The following GPLD1 variants were observed in gnomAD, a reference collection of about 807,000 sequenced individuals.
GPLD1 encodes the protein glycosylphosphatidylinositol specific phospholipase D1.
GPLD1 carries 84 observed loss-of-function variants against 112.6 expected under a neutral mutation model. That is an observed-to-expected ratio of 0.75 (90% CI 0.63 to 0.89). GPLD1 has a LOEUF of 0.89. Ranked by LOEUF, GPLD1 falls within the 40% of genes least tolerant of loss-of-function variation. The pLI is 0.00. For synonymous variants in GPLD1, 386 were observed against 403.8 expected, an observed-to-expected ratio of 0.96 and a Z score of 0.53; for missense variants, 1,044 against 1,051.5, an observed-to-expected ratio of 0.99 and a Z score of 0.10.
intron 14 of GPLD1, among the ~76,000 whole-genome samples, chr6:24,451,860 G>A (rs930195071): frequency 3.3e-5 from 5 of 152,180 alleles, no homozygotes; most frequent in Non-Finnish European, 7.3e-5. Context: ...AGGGCAGGGT[G>A]GGAACCAATA....
At chr6:24,473,491 G>A (rs1339137084) in intron 6 of GPLD1, 128 bp downstream of exon 6, 14 of 602,220 alleles carry the variant, frequency 2.3e-5, no homozygotes, top group Non-Finnish European at 4.3e-5. Flanking sequence ...TAAATGAACT[G>A]CAACATTAAA....
rs80068245 is a variant in GPLD1 at position 24,427,220 on chromosome 6, G to A, written c.*1812C>T. ...CCTATGATACATTCCATTCCCTTAA[G>A]TGTGCCACGCTGCAGGACTGACAAA... On this transcript the variant is annotated 3_prime_UTR_variant, in exon 25 of 25. Coordinates refer to ENST00000230036, the MANE Select transcript of GPLD1 (RefSeq NM_001503.4). Among the ~76,000 whole-genome samples the A allele has an allele frequency of 0.12, 18,620 of 152,130 alleles. 1,453 individuals carry two copies. The highest frequency in any genetic ancestry group is 0.16 in the East Asian group (809 of 5,166).
intron 11 of GPLD1, among the ~76,000 whole-genome samples, chr6:24,462,281 C>A (rs1455846301): frequency 6.6e-6 from 1 of 151,938 alleles, no homozygotes; most frequent in Non-Finnish European, 1.5e-5. Context: ...TACAGGCACA[C>A]ACCACCATAC....
intron 2 of GPLD1, among the ~76,000 whole-genome samples, chr6:24,480,182 A>G (rs1764154328): frequency 6.6e-6 from 1 of 152,164 alleles, no homozygotes; most frequent in Non-Finnish European, 1.5e-5. Flanking sequence ...TCCCTACCAA[A>G]CACAGAGAGG....
At position 24,462,723 on chromosome 6, in the gene GPLD1, C is replaced by T. The variant is rs749433306; in HGVS notation, c.887+7G>A. ...TTTTTCTATGAACAATTTTGGAATC[C>T]ACTTACCCCTGGGTGTGGTTTTGCT... On this transcript the variant is annotated splice_region_variant and intron_variant, in intron 11 of 24. Transcript: ENST00000230036. The T allele has an allele frequency of 4.4e-6, 7 of 1,601,464 alleles. No homozygotes were observed. The highest frequency in any genetic ancestry group is 3.3e-4 in the Middle Eastern group (2 of 6,052).
chr6:24,488,183 G>A (rs2817211), intron 1 of GPLD1, among the ~76,000 whole-genome samples: 45,428 of 151,916 alleles, frequency 0.3, 7,057 homozygotes, highest in Non-Finnish European at 0.33. Flanking sequence ...CGAGGCAGGC[G>A]GATCGCAAGG....
intron 1 of GPLD1, among the ~76,000 whole-genome samples, chr6:24,487,450 C>G (rs1445181080): frequency 6.6e-6 from 1 of 152,032 alleles, no homozygotes; most frequent in African/African-American, 2.4e-5. Flanking sequence ...TCCATTAGGA[C>G]CTTTGTTTGG....
At chr6:24,447,838 G>A (rs369865985) in intron 17 of GPLD1, 39 bp downstream of exon 17, 2 of 1,604,648 alleles carry the variant, frequency 1.2e-6, no homozygotes, top group Non-Finnish European at 1.7e-6. Context: ...TAGACACACA[G>A]AGCAGCCATG....
rs1004889765 is a variant in GPLD1, at chr6:24,478,975, G to T, written c.232+906C>A. On this transcript the variant is annotated intron_variant, in intron 3 of 24. Coordinates refer to ENST00000230036, the MANE Select transcript of GPLD1 (RefSeq NM_001503.4). ...ACAGAGCAGAAGCATTGCCATCTTG[G>T]ACAAGAACTGCCATTTTAAGTTCAC... 1.1e-4 allele frequency among the ~76,000 whole-genome samples: 16 copies of T among 152,066 alleles called. 1 individual carries two copies. Among genetic ancestry groups the T allele is most frequent in the Non-Finnish European group, 2.2e-4 (15 of 68,022 alleles).
chr6:24,425,933 T>C lies in GPLD1; in HGVS notation c.*3099A>G, dbSNP rs1762220748. 6.6e-6 allele frequency: 1 copy of C among 152,218 alleles called. No individual in the cohort carries two copies. Among genetic ancestry groups the C allele is most frequent in the African/African-American group, 2.4e-5 (1 of 41,458 alleles). The allele number at this position is 152,218 out of a possible 1,614,324, so 9.4% of individuals were successfully genotyped here. On this transcript the variant is annotated 3_prime_UTR_variant, in exon 25 of 25. Transcript: ENST00000230036. ...ATTAAAGTTGCACGTTGGATTTAAC[T>C]CTCATGACTTTAGTAATACCTACAG...
chr6:24,471,753 T>C (rs1032058568), intron 7 of GPLD1, among the ~76,000 whole-genome samples: 1 of 152,196 alleles, frequency 6.6e-6, no homozygotes, highest in South Asian at 2.1e-4. Context: ...AGGGTCTCAC[T>C]GTGTTGCCCA....
At chr6:24,453,307 G>A (rs555209507) in intron 14 of GPLD1, among the ~76,000 whole-genome samples, 4 of 152,250 alleles carry the variant, frequency 2.6e-5, no homozygotes, top group Admixed American at 2.0e-4. Flanking sequence ...CAGTACATGG[G>A]AACTCTTTGT....
At chr6:24,473,131 A>AGT (rs1474615360) in intron 6 of GPLD1, 2 of 145,240 alleles carry the variant, frequency 1.4e-5, no homozygotes, top group Non-Finnish European at 3.0e-5. Flanking sequence ...AATCTTAGTT[A>AGT]GTGAAACATA....
rs1762582100 is a variant in GPLD1 at position 24,436,527 on chromosome 6, A to C, written c.2358+49T>G. 4.0e-6 allele frequency: 6 copies of C among 1,504,744 alleles called. No individual in the cohort carries two copies. In the East Asian group the frequency reaches 1.4e-4, roughly 34 times the overall value. 93.2% of individuals were successfully genotyped at this position (1,504,744 alleles called of 1,614,324 possible). A position where few individuals can be genotyped will look rare whatever the true frequency, so the allele number is the denominator to read the frequency against. ...GGACATGAGTTAACAAGGAATCAGC[A>C]ATTAGTGATCCTTTCCCAATAAGTT... On this transcript the variant is annotated intron_variant, in intron 22 of 24. Coordinates refer to ENST00000230036, the MANE Select transcript of GPLD1 (RefSeq NM_001503.4).
intron 1 of GPLD1, 43 bp from the exon 2 acceptor site, chr6:24,486,173 C>A (rs1328878059): frequency 1.8e-6 from 2 of 1,127,166 alleles, no homozygotes; most frequent in East Asian, 2.4e-5. Context: ...TCAACTATTA[C>A]TGAAAACATA....
At chr6:24,471,462 C>CA (rs1321733309) in intron 7 of GPLD1, among the ~76,000 whole-genome samples, 80 of 148,594 alleles carry the variant, frequency 5.4e-4, no homozygotes, top group African/African-American at 1.5e-3. Context: ...TAGACTGGCT[C>CA]AAAAAAAAAG....
intron 5 of GPLD1, 54 bp from the exon 6 acceptor site, chr6:24,473,721 T>G: frequency 8.2e-7 from 1 of 1,213,294 alleles, no homozygotes; most frequent in Non-Finnish European, 1.2e-6. Context: ...GCCCCAACTC[T>G]TACTTCCACA....
chr6:24,440,562 C>T (rs1762711956), intron 20 of GPLD1, among the ~76,000 whole-genome samples: 1 of 92,442 alleles, frequency 1.1e-5, no homozygotes, highest in Non-Finnish European at 2.3e-5. Context: ...TGATCATTAT[C>T]AAAAGTGTAA....
In GPLD1 at chr6:24,456,637, C is replaced by A. The variant is rs750079400; in HGVS notation, c.1009G>T (p.Asp337Tyr). ...VFFSVNSWTP[D>Y]SMSFIYKALE... is the part of the protein sequence containing the mutation. ...GCCTTGTAGATAAAGGACATGGAAT[C>A]CTGAAATAAAAGAATCATTATAGAC... Residue 337 changes from aspartate to tyrosine, a missense_variant and splice_region_variant, in exon 13 of 25, where the codon GAT (aspartate) becomes TAT (tyrosine). Transcript: ENST00000230036. 35 of 1,590,282 alleles carry A rather than the reference C, an allele frequency of 2.2e-5. 2 individuals carry two copies. The South Asian group carries it at 3.8e-4, about 17-fold the overall frequency.
Sources: allele counts gnomAD v4.1 joint callset (sites outside exome capture counted in the v4.1 genomes callset), GRCh38; gene constraint gnomAD v4.1.1; transcripts MANE v1.5; gene names NCBI Gene and HGNC (gene_info 2026-07-23, HGNC 2026-07-21).